DNAH1: variants seen among roughly 807,000 people sequenced by gnomAD.
DNAH1 encodes the protein dynein axonemal heavy chain 1, also known as axonemal beta dynein heavy chain 1.
A neutral mutation model predicts 484.3 loss-of-function variants in DNAH1; 327 were observed. The observed-to-expected ratio is 0.68, with a 90% CI of 0.62 to 0.74. DNAH1 has a LOEUF of 0.74. Ranked by LOEUF, DNAH1 falls within the 30% of genes least tolerant of loss-of-function variation. The pLI is 0.00. For synonymous variants in DNAH1, 2,192 were observed against 2,191.9 expected, an observed-to-expected ratio of 1.00 and a Z score of 0.00; for missense variants, 5,052 against 5,546.8, an observed-to-expected ratio of 0.91 and a Z score of 2.83.
chr3:52,362,589 G>A lies in DNAH1; in HGVS notation c.5094+88G>A. ...AAGCCACTTATGCAAGGACACAGTT[G>A]CTTGGACTCCAGGGACTGTGATTCC... is the stretch of plus-strand genomic sequence containing the variant. On this transcript the variant is annotated intron_variant, in intron 31 of 77. Transcript: ENST00000420323. This position sits in a 1 kb window ranked among gnomAD's most constrained non-coding sequence, Gnocchi z 5.1. The A allele has an allele frequency of 8.4e-7, 1 of 1,194,102 alleles. No individual in the cohort carries two copies. The highest frequency in any genetic ancestry group is 1.2e-6 in the Non-Finnish European group (1 of 833,588). 74.0% of individuals were successfully genotyped at this position (1,194,102 alleles called of 1,614,324 possible). A position where few individuals can be genotyped will look rare whatever the true frequency, so the allele number is the denominator to read the frequency against.
At chr3:52,366,989 G>T in intron 36 of DNAH1, 102 bp downstream of exon 36, 1 of 1,401,898 alleles carries the variant, frequency 7.1e-7, no homozygotes. Context: ...GGAAGGCCGG[G>T]CTCTGCAGCC....
chr3:52,323,374 G>T (rs1701221048), intron 2 of DNAH1, among the ~76,000 whole-genome samples: 1 of 152,202 alleles, frequency 6.6e-6, no homozygotes, highest in Non-Finnish European at 1.5e-5. Context: ...GAGTCCTGTA[G>T]GTCCCAGGCA....
chr3:52,390,639 G>A (rs1389526112), intron 60 of DNAH1, among the ~76,000 whole-genome samples: 1 of 152,194 alleles, frequency 6.6e-6, no homozygotes, highest in South Asian at 2.1e-4. Flanking sequence ...AAGGCACAGC[G>A]AAGGAGGGCC....
At chr3:52,323,184 A>T (rs1701212723) in intron 2 of DNAH1, among the ~76,000 whole-genome samples, 1 of 152,102 alleles carries the variant, frequency 6.6e-6, no homozygotes, top group Admixed American at 6.5e-5. Flanking sequence ...AAGAGACAGG[A>T]TGTAAGAGTG....
At chr3:52,331,359 C>G in intron 7 of DNAH1, 50 bp downstream of exon 7, 1 of 1,556,390 alleles carries the variant, frequency 6.4e-7, no homozygotes, top group Non-Finnish European at 8.7e-7. Context: ...TGGGCCTGGC[C>G]GGCCTGTGAC....
chr3:52,322,426 T>G lies in DNAH1; in HGVS notation c.-17T>G. ...TCTCCTAGGAGCTTCGGCTGGGGCA[T>G]CTCCCTGAGAAGCAGCATGGAGCAG... On this transcript the variant is annotated 5_prime_UTR_variant, in exon 2 of 78. Transcript: ENST00000420323. 3 of 1,593,538 alleles carry G rather than the reference T, an allele frequency of 1.9e-6. No homozygotes were observed. Among genetic ancestry groups the G allele is most frequent in the Non-Finnish European group, 2.6e-6 (3 of 1,174,586 alleles).
chr3:52,385,110 C>T, intron 53 of DNAH1, 133 bp downstream of exon 53: 1 of 1,192,602 alleles, frequency 8.4e-7, no homozygotes, highest in Admixed American at 2.6e-5. Flanking sequence ...GGTGGCTTCC[C>T]CCCTCATCAA....
intron 44 of DNAH1, chr3:52,375,029 C>T (rs1190441691): frequency 1.6e-6 from 1 of 631,684 alleles, no homozygotes; most frequent in South Asian, 2.3e-5. Context: ...ATAAAAAGTA[C>T]TTTTGAACTT....
chr3:52,357,956 A>C lies in DNAH1; in HGVS notation c.4039A>C (p.Thr1347Pro). The C allele has an allele frequency of 6.2e-7, 1 of 1,613,066 alleles. No homozygotes were observed. The highest frequency in any genetic ancestry group is 2.2e-5 in the East Asian group (1 of 44,878). The change falls in exon 24 of 78, where the codon ACG becomes CCG. Residue 1347 changes from threonine to proline, a missense_variant. Transcript: ENST00000420323. ...LEILSQTKDP[T>P]AVQPHLRKCF... ...GATCTTGTCGCAGACAAAGGACCCC[A>C]CGGCCGTGCAGCCACACCTGCGCAA...
chr3:52,357,634 C>G lies in DNAH1; in HGVS notation c.3879C>G (p.Asp1293Glu), dbSNP rs769083650. The change falls in exon 23 of 78, where the codon GAC (aspartate) becomes GAG (glutamate). Residue 1293 changes from aspartate (D) to glutamate (E), a missense_variant. By Grantham distance (45) the Asp-to-Glu change is conservative. Around this residue, in one of 4 missense-constraint regions of DNAH1, gnomAD observed 2,929 missense variants for 3,409.4 expected, o/e 0.86. Transcript: ENST00000420323. ...TGCAGGTGATCAATGTGTGTTCCGA[C>G]CTGAGAATGCTGGACAGCCTGCGGG... ...ENREVINVCS[D>E]LRMLDSLRDC... 8 of 1,600,676 alleles carry G rather than the reference C, an allele frequency of 5.0e-6. No individual in the cohort carries two copies. Among genetic ancestry groups the G allele is most frequent in the Non-Finnish European group, 6.8e-6 (8 of 1,173,304 alleles).
intron 11 of DNAH1, among the ~76,000 whole-genome samples, chr3:52,347,559 G>A (rs1242599696): frequency 6.6e-6 from 1 of 152,178 alleles, no homozygotes; most frequent in African/African-American, 2.4e-5. Context: ...CAATGCCTAG[G>A]CCCTGGCAAC....
At chr3:52,313,171 C>T (rs370946394), upstream of DNAH1, among the ~76,000 whole-genome samples, 6 of 152,272 alleles carry the variant, frequency 3.9e-5, no homozygotes, top group Middle Eastern at 3.4e-3. Flanking sequence ...GGAGAGTGCT[C>T]CACAGGGGGC....
At chr3:52,345,442 C>G (rs1702102247) in intron 9 of DNAH1, 53 bp from the exon 10 acceptor site, 1 of 1,484,752 alleles carries the variant, frequency 6.7e-7, no homozygotes, top group Admixed American at 2.0e-5. Flanking sequence ...TGTCCTGTCC[C>G]CTGGTTTGGC....
chr3:52,395,359 AT>A lies in DNAH1; in HGVS notation c.11021del (p.Ile3674ThrfsTer21). On this transcript the variant is annotated frameshift_variant, in exon 69 of 78. Transcript: ENST00000420323. LOFTEE classifies it high-confidence loss of function. The surrounding 1 kb of genome is among the most constrained non-coding windows in gnomAD (Gnocchi z 4.4). ...FKDSNSTTPL[I>X]FVLSPGTDPA... ...AGACTCCAACTCCACCACACCCCTC[AT>A]CTTTGTGCTGTCACCCGGCACAGAC... 6.2e-7 allele frequency: 1 copy of A among 1,613,738 alleles called. No individual in the cohort carries two copies. Among genetic ancestry groups the A allele is most frequent in the Non-Finnish European group, 8.5e-7 (1 of 1,179,844 alleles).
In DNAH1 at chr3:52,398,034, A is replaced by G. The variant is rs1305107295; in HGVS notation, c.11961A>G (p.Ile3987Met). 6.2e-7 allele frequency: 1 copy of G among 1,613,356 alleles called. No homozygotes were observed. The highest frequency in any genetic ancestry group is 8.5e-7 in the Non-Finnish European group (1 of 1,179,566). ...ACAGTATTCCTTTGCCCCTGCAGAT[A>G]GTGGAGGACGTCACCCAAAACATTC... is the stretch of plus-strand genomic sequence containing the variant. ...SSAGSQGREE[I>M]VEDVTQNILL... The change falls in exon 75 of 78, where the codon ATA becomes ATG. Residue 3987 changes from isoleucine (I) to methionine (M), a missense_variant and splice_region_variant. Coordinates refer to ENST00000420323, the MANE Select transcript of DNAH1 (RefSeq NM_015512.5).
chr3:52,332,283 A>G lies in DNAH1; in HGVS notation c.1175A>G (p.Asn392Ser). ...AACACGGAAGCACTGCTGCTCTACA[A>G]CTTGTATGTGGACTGCATGCCCTCT... ...RKNTEALLLY[N>S]LYVDCMPSDG... Residue 392 changes from asparagine to serine, a missense_variant, in exon 8 of 78, where the codon AAC (asparagine) becomes AGC (serine). Physicochemically the swap from Asn to Ser is conservative, Grantham distance 46 (BLOSUM62 1). Transcript: ENST00000420323. The G allele has an allele frequency of 1.2e-6, 2 of 1,614,024 alleles. No homozygotes were observed. Among genetic ancestry groups the G allele is most frequent in the Non-Finnish European group, 8.5e-7 (1 of 1,179,904 alleles).
rs1292661299 is a variant in DNAH1 at position 52,386,241 on chromosome 3, C to A, written c.8707C>A (p.Gln2903Lys). 1.9e-6 allele frequency: 3 copies of A among 1,613,562 alleles called. No individual in the cohort carries two copies. Among genetic ancestry groups the A allele is most frequent in the Admixed American group, 3.3e-5 (2 of 59,992 alleles). The change falls in exon 55 of 78, where the codon CAA becomes AAA. Residue 2903 changes from glutamine (Q) to lysine (K), a missense_variant. Around this residue, in one of 4 missense-constraint regions of DNAH1, gnomAD observed 2,929 missense variants for 3,409.4 expected, o/e 0.86. Coordinates refer to ENST00000420323, the MANE Select transcript of DNAH1 (RefSeq NM_015512.5). ...IKANEKAKKA[Q>K]AIADDAQKDL... ...AGCCAATGAGAAGGCCAAGAAGGCA[C>A]AAGCTATTGCTGACGATGCCCAGAA...
rs751086343 is a variant in DNAH1, at chr3:52,399,086, C to T, written c.12326C>T (p.Pro4109Leu). 11 of 1,614,076 alleles carry T rather than the reference C, an allele frequency of 6.8e-6. No individual in the cohort carries two copies. Among genetic ancestry groups the T allele is most frequent in the Non-Finnish European group, 9.3e-6 (11 of 1,179,906 alleles). Residue 4109 changes from proline (P) to leucine (L), a missense_variant, in exon 76 of 78, where the codon CCA becomes CTA. Around this residue, in one of 4 missense-constraint regions of DNAH1, gnomAD observed 853 missense variants for 899.0 expected, o/e 0.95. Transcript: ENST00000420323. Reference protein sequence around the residue: ...FLQAWIQDGIPAVFWISGFFF... With the variant: ...FLQAWIQDGILAVFWISGFFF... Reference sequence around the variant, plus strand: ...CAGGCCTGGATCCAAGATGGCATCCCAGCTGTCTTCTGGATCAGTGGATTC... The same window carrying T: ...CAGGCCTGGATCCAAGATGGCATCCTAGCTGTCTTCTGGATCAGTGGATTC...
intron 10 of DNAH1, among the ~76,000 whole-genome samples, chr3:52,345,974 C>T (rs1702125513): frequency 6.6e-6 from 1 of 152,196 alleles, no homozygotes; most frequent in Admixed American, 6.5e-5. Context: ...ACTCTGGTTG[C>T]CTCTGAAGCA....
Sources: allele counts gnomAD v4.1 joint callset (sites outside exome capture counted in the v4.1 genomes callset), GRCh38; gene constraint gnomAD v4.1.1; regional missense constraint gnomAD v4.1.1; non-coding constraint Gnocchi (gnomAD v3.1); transcripts MANE v1.5; gene names NCBI Gene and HGNC (gene_info 2026-07-23, HGNC 2026-07-21).